LASP1: variants seen among roughly 807,000 people sequenced by gnomAD.
The protein encoded by LASP1 is LIM and SH3 domain protein 1.
In LASP1, 10 loss-of-function variants were observed where a neutral mutation model predicts 38.6. The observed-to-expected ratio is 0.26, with a 90% CI of 0.16 to 0.44. The LOEUF (loss-of-function observed/expected upper bound fraction) is 0.44. Among genes scored for constraint, LASP1 ranks in the 20% least tolerant of loss-of-function variants. LASP1 has a pLI of 1.00. For synonymous variants in LASP1, 132 were observed against 140.8 expected, an observed-to-expected ratio of 0.94 and a Z score of 0.44; for missense variants, 243 against 375.7, an observed-to-expected ratio of 0.65 and a Z score of 2.92.
chr17:38,918,826 C>T lies in LASP1; in HGVS notation c.*48C>T. ...TTCAGCACATTCCACGGCATCGCAT[C>T]CGTCCTGGGCGTGACCCGTCCATTC... On this transcript the variant is annotated 3_prime_UTR_variant, in exon 7 of 7. Transcript: ENST00000318008. The surrounding 1 kb of genome is among the most constrained non-coding windows in gnomAD (Gnocchi z 4.4). 1 of 1,596,934 alleles carries T rather than the reference C, an allele frequency of 6.3e-7. No homozygotes were observed. Among genetic ancestry groups the T allele is most frequent in the Non-Finnish European group, 8.6e-7 (1 of 1,169,240 alleles).
chr17:38,914,533 G>A (rs1009776754), intron 5 of LASP1, 58 bp downstream of exon 5: 2 of 1,526,540 alleles, frequency 1.3e-6, no homozygotes, highest in African/African-American at 1.4e-5. Context: ...GGGTGGGGAG[G>A]AAGCCAGGAG....
chr17:38,910,733 C>CTTTTTTTT (rs10526728), intron 4 of LASP1, among the ~76,000 whole-genome samples: 19 of 135,476 alleles, frequency 1.4e-4, no homozygotes, highest in Non-Finnish European at 2.5e-4. Flanking sequence ...CTGGAGTCCA[C>CTTTTTTTT]TTTTTTTTAA....
At chr17:38,905,249 C>T (rs56106104) in intron 4 of LASP1, among the ~76,000 whole-genome samples, 2,995 of 152,068 alleles carry the variant, frequency 0.02, 92 homozygotes, top group African/African-American at 0.069. Flanking sequence ...CTCCTTGGGC[C>T]GGGCCGTGGT....
chr17:38,916,424 G>A (rs1236498551), intron 6 of LASP1: 1 of 151,658 alleles, frequency 6.6e-6, no homozygotes, highest in African/African-American at 2.4e-5. Flanking sequence ...GCCAGGTGTG[G>A]TGGTGTATGC....
At chr17:38,903,783 G>C (rs148929621) in intron 4 of LASP1, 2 of 152,226 alleles carry the variant, frequency 1.3e-5, no homozygotes, top group Admixed American at 1.3e-4. Context: ...TGGCAGAAAA[G>C]TTTGGCCATT....
At chr17:38,916,923 T>C (rs1598124216) in intron 6 of LASP1, 1 of 149,462 alleles carries the variant, frequency 6.7e-6, no homozygotes, top group Middle Eastern at 3.5e-3. Context: ...AAGGAAGGAG[T>C]GAGCCGTGCA....
At chr17:38,907,679 G>T (rs902708696) in intron 4 of LASP1, among the ~76,000 whole-genome samples, 1 of 152,198 alleles carries the variant, frequency 6.6e-6, no homozygotes, top group Non-Finnish European at 1.5e-5. Context: ...AGCCACCCAG[G>T]AAGGGTGTCC....
intron 4 of LASP1, among the ~76,000 whole-genome samples, chr17:38,913,516 C>T (rs1486312787): frequency 3.3e-5 from 5 of 152,194 alleles, no homozygotes; most frequent in South Asian, 2.1e-4. Context: ...TCAATCCCTT[C>T]GCTTCCTTCT....
intron 2 of LASP1, among the ~76,000 whole-genome samples, chr17:38,885,289 T>C (rs1034186947): frequency 1.3e-5 from 2 of 152,196 alleles, no homozygotes; most frequent in African/African-American, 4.8e-5. Context: ...ACAATGAGAA[T>C]GCCAGCCTAA....
At position 38,879,635 on chromosome 17, in the gene LASP1, A is replaced by T. The variant is rs537361081; in HGVS notation, c.164+1455A>T. On this transcript the variant is annotated intron_variant, in intron 2 of 6. Coordinates refer to ENST00000318008, the MANE Select transcript of LASP1 (RefSeq NM_006148.4). ...GCTGAAGTTCACCCAGGGAAAAAAA[A>T]ATTTGGGACTTGTCTAAAAAGGGGG... Among the ~76,000 whole-genome samples, 39 of 151,416 alleles carry T rather than the reference A, an allele frequency of 2.6e-4. No individual in the cohort carries two copies. The East Asian group carries it at 7.4e-3, about 29-fold the overall frequency.
At chr17:38,916,398 A>C (rs1278557446) in intron 6 of LASP1, 2 of 151,460 alleles carry the variant, frequency 1.3e-5, no homozygotes, top group African/African-American at 4.9e-5. Context: ...CCTGTCTACC[A>C]AAAATACAAA....
chr17:38,894,533 T>C (rs1047876459), intron 3 of LASP1, among the ~76,000 whole-genome samples: 1 of 152,092 alleles, frequency 6.6e-6, no homozygotes, highest in South Asian at 2.1e-4. Flanking sequence ...TGGTGTGAGA[T>C]AGGAGGATAT....
Position 38,896,363 on chromosome 17 carries a change from A to T in LASP1, c.250-2049A>T, listed in dbSNP as rs552442247. 2.0e-5 allele frequency among the ~76,000 whole-genome samples: 3 copies of T among 152,322 alleles called. No homozygotes were observed. The East Asian group carries it at 5.8e-4, about 29-fold the overall frequency. ...GGAACTGACTTGCTTAGAAACACAC[A>T]GCAAGGTGGTGCTGATCCCAGGCTC... On this transcript the variant is annotated intron_variant, in intron 3 of 6. Transcript: ENST00000318008.
intron 4 of LASP1, 128 bp downstream of exon 4, chr17:38,898,647 G>A (rs1567700663): frequency 1.4e-6 from 1 of 738,808 alleles, no homozygotes; most frequent in Non-Finnish European, 2.4e-6. Flanking sequence ...GCCCTCCAGG[G>A]TGGGCCTGGG....
At chr17:38,901,292 C>G (rs527533995) in intron 4 of LASP1, among the ~76,000 whole-genome samples, 3 of 152,200 alleles carry the variant, frequency 2.0e-5, no homozygotes, top group Non-Finnish European at 2.9e-5. Context: ...ACAAAACTCA[C>G]CACCCTGGCC....
intron 1 of LASP1, among the ~76,000 whole-genome samples, chr17:38,875,863 C>G (rs913688062): frequency 1.3e-5 from 2 of 152,160 alleles, no homozygotes; most frequent in African/African-American, 4.8e-5. Context: ...GGCCAAGAAC[C>G]AGCTCTGTGG....
chr17:38,914,878 C>T, intron 5 of LASP1, 165 bp from the exon 6 acceptor site: 2 of 670,626 alleles, frequency 3.0e-6, no homozygotes, highest in South Asian at 3.6e-5. Context: ...GCGTGGGATA[C>T]AACACACAGG....
chr17:38,900,380 C>CAAAAAAAAAAAAAAAAAAA (rs55996334), intron 4 of LASP1, among the ~76,000 whole-genome samples: 1 of 113,562 alleles, frequency 8.8e-6, no homozygotes. Context: ...ACCCTGTTTC[C>CAAAAAAAAAAAAAAAAAAA]AAAAAAAAAA....
At chr17:38,893,940 G>T (rs2143777666) in intron 3 of LASP1, among the ~76,000 whole-genome samples, 1 of 152,356 alleles carries the variant, frequency 6.6e-6, no homozygotes, top group South Asian at 2.1e-4. Context: ...GGCCTGCCTT[G>T]CCCTTCCCTG....
Sources: allele counts gnomAD v4.1 joint callset (sites outside exome capture counted in the v4.1 genomes callset), GRCh38; gene constraint gnomAD v4.1.1; non-coding constraint Gnocchi (gnomAD v3.1); transcripts MANE v1.5; gene names NCBI Gene and HGNC (gene_info 2026-07-23, HGNC 2026-07-21).